ARHGAP29: variants seen among roughly 807,000 people sequenced by gnomAD.
The protein encoded by ARHGAP29 is rho GTPase-activating protein 29.
Under a neutral mutation model 122.6 loss-of-function variants are expected in ARHGAP29, and 43 were observed. That is an observed-to-expected ratio of 0.35 (90% CI 0.27 to 0.45). The LOEUF is 0.45. Ranked by LOEUF, ARHGAP29 falls within the 20% of genes least tolerant of loss-of-function variation. The pLI is 1.00. For synonymous variants in ARHGAP29, 506 were observed against 497.1 expected, an observed-to-expected ratio of 1.02 and a Z score of -0.24; for missense variants, 1,303 against 1,477.2, an observed-to-expected ratio of 0.88 and a Z score of 1.93.
chr1:94,302,475 C>T, the ARHGAP29 span: 13 of 354,132 alleles, frequency 3.7e-5, no homozygotes, highest in Admixed American at 4.4e-4. Context: ...CCTCCTGCAC[C>T]ACCAGCTGCC....
chr1:94,304,062 T>C, the ARHGAP29 span, among the ~76,000 whole-genome samples: 1 of 152,254 alleles, frequency 6.6e-6, no homozygotes, highest in African/African-American at 2.4e-5. Context: ...GGCTCTGCTT[T>C]ACCTTGTTTT....
rs754257819 is a variant in ARHGAP29 at position 94,231,475 on chromosome 1, T to C, written c.137A>G (p.Lys46Arg). The C allele has an allele frequency of 6.1e-5, 98 of 1,613,704 alleles. No homozygotes were observed. The highest frequency in any genetic ancestry group is 7.5e-5 in the Non-Finnish European group (89 of 1,179,764). The change falls in exon 2 of 23, where the codon AAG becomes AGG. Residue 46 changes from lysine to arginine, a missense_variant. Around this residue, in one of 3 missense-constraint regions of ARHGAP29, gnomAD observed 592 missense variants for 648.2 expected, o/e 0.91. Coordinates refer to ENST00000260526, the MANE Select transcript of ARHGAP29 (RefSeq NM_004815.4). ...SNSIFDPDYI[K>R]ELVNDIRKFS... The stretch of plus-strand genomic sequence containing the variant: ...CTTCCTGATATCATTCACCAACTCC[T>C]TGATGTAATCCGGATCAAAAATAGA...
the ARHGAP29 span, chr1:94,302,960 G>A: frequency 3.9e-5 from 7 of 178,414 alleles, no homozygotes; most frequent in East Asian, 1.3e-3. Context: ...TTCCGGGTAT[G>A]ACAATGAATT....
chr1:94,262,095 G>C (rs374763873), intron 1 of ARHGAP29, among the ~76,000 whole-genome samples: 3 of 152,070 alleles, frequency 2.0e-5, no homozygotes, highest in African/African-American at 7.2e-5. Flanking sequence ...GAGAAAAAAG[G>C]CCACACACCT....
chr1:94,208,656 C>T (rs12089307), intron 5 of ARHGAP29, among the ~76,000 whole-genome samples, 176 bp downstream of exon 5: 1 of 151,840 alleles, frequency 6.6e-6, no homozygotes, highest in Non-Finnish European at 1.5e-5. Flanking sequence ...GATGGGGTTT[C>T]ACCATGTTGG....
the ARHGAP29 span, among the ~76,000 whole-genome samples, chr1:94,295,640 A>G: frequency 1.3e-5 from 2 of 152,052 alleles, no homozygotes; most frequent in African/African-American, 4.8e-5. Context: ...GATGCGATGA[A>G]TCCATTGGAG....
chr1:94,292,758 C>T, the ARHGAP29 span, among the ~76,000 whole-genome samples: 2 of 152,178 alleles, frequency 1.3e-5, no homozygotes, highest in East Asian at 1.9e-4. Flanking sequence ...CGCTCCAGAC[C>T]GTGTTTGCCT....
At position 94,209,290 on chromosome 1, in the gene ARHGAP29, GA is replaced by G; in HGVS notation, c.400del (p.Ser134LeufsTer22). 6.2e-7 allele frequency: 1 copy of G among 1,610,472 alleles called. No homozygotes were observed. The highest frequency in any genetic ancestry group is 1.3e-5 in the African/African-American group (1 of 74,872). On this transcript the variant is annotated frameshift_variant, in exon 4 of 23. Transcript: ENST00000260526. LOFTEE classifies it high-confidence loss of function. ...GGTAAATGCCAAAGTTTCAATAGAA[GA>G]AAACACTTCCTGGAAGAGATCGTTT... ...NKNDLFQEVF[S>X]SIETLAFTFG...
rs1207286594 is a variant in ARHGAP29, at chr1:94,208,917, GT to G, written c.438-14del. 6.2e-7 allele frequency: 1 copy of G among 1,608,166 alleles called. No homozygotes were observed. Among genetic ancestry groups the G allele is most frequent in the South Asian group, 1.1e-5 (1 of 90,704 alleles). ...GAAGTTTGTAAGGCTATCCAAGGAGGTTAAAAAAAGAAAGACAAGTCATTAT... is the reference window on the plus strand; with the variant it reads ...GAAGTTTGTAAGGCTATCCAAGGAGGTAAAAAAAGAAAGACAAGTCATTAT... On this transcript the variant is annotated splice_polypyrimidine_tract_variant and intron_variant, in intron 4 of 22. Coordinates refer to ENST00000260526, the MANE Select transcript of ARHGAP29 (RefSeq NM_004815.4).
At chr1:94,272,731 C>G (rs373603181) in intron 1 of ARHGAP29, among the ~76,000 whole-genome samples, 3 of 152,176 alleles carry the variant, frequency 2.0e-5, no homozygotes, top group East Asian at 3.9e-4. Flanking sequence ...TCTCCTTCCA[C>G]GGAGGTCAGA....
intron 1 of ARHGAP29, among the ~76,000 whole-genome samples, chr1:94,233,252 C>T (rs1024414805): frequency 1.3e-5 from 2 of 152,016 alleles, no homozygotes; most frequent in African/African-American, 4.8e-5. Context: ...CATGCCTGGC[C>T]CACTAGGAAG....
At chr1:94,179,668 A>C in intron 20 of ARHGAP29, 57 bp downstream of exon 20, 8 of 1,192,986 alleles carry the variant, frequency 6.7e-6, no homozygotes, top group Non-Finnish European at 9.5e-6. Flanking sequence ...CACAATTAAA[A>C]ACAAAAAACA....
At chr1:94,256,325 A>G (rs1654344878) in intron 1 of ARHGAP29, among the ~76,000 whole-genome samples, 1 of 152,146 alleles carries the variant, frequency 6.6e-6, no homozygotes, top group Admixed American at 6.5e-5. Flanking sequence ...CACAGATTGT[A>G]TCTACCCTAC....
upstream of ARHGAP29, chr1:94,237,787 C>T (rs1430645854): frequency 1.1e-5 from 11 of 984,808 alleles, no homozygotes; most frequent in Non-Finnish European, 1.3e-5. Flanking sequence ...CGGGCTGCGT[C>T]GGCTGCCCTT....
intron 1 of ARHGAP29, among the ~76,000 whole-genome samples, chr1:94,236,558 G>C (rs1302986064): frequency 6.6e-6 from 1 of 152,094 alleles, no homozygotes; most frequent in Non-Finnish European, 1.5e-5. Context: ...CCTGCCCTCC[G>C]AAAACATTTG....
chr1:94,299,018 T>C, the ARHGAP29 span, among the ~76,000 whole-genome samples: 1 of 152,252 alleles, frequency 6.6e-6, no homozygotes. Context: ...CAACAGCTAA[T>C]GAGAAAGGTC....
intron 1 of ARHGAP29, among the ~76,000 whole-genome samples, chr1:94,259,434 T>C (rs1654476711): frequency 6.6e-6 from 1 of 152,208 alleles, no homozygotes; most frequent in Admixed American, 6.5e-5. Context: ...CCCAGAACTT[T>C]AGGATGTAAG....
chr1:94,264,885 C>T (rs988869158), intron 1 of ARHGAP29, among the ~76,000 whole-genome samples: 1 of 152,138 alleles, frequency 6.6e-6, no homozygotes, highest in Non-Finnish European at 1.5e-5. Context: ...TATTGCCACC[C>T]CCTCCTTTGG....
the ARHGAP29 span, among the ~76,000 whole-genome samples, chr1:94,311,252 C>A: frequency 1.3e-5 from 2 of 152,166 alleles, no homozygotes; most frequent in Non-Finnish European, 2.9e-5. Context: ...CATTTCCCAG[C>A]TATTAATGTC....
Sources: gnomAD v4.1 joint callset for allele counts (sites outside exome capture counted in the v4.1 genomes callset) on GRCh38, gnomAD v4.1.1 for gene constraint, gnomAD v4.1.1 regional missense constraint, MANE v1.5 for transcripts, NCBI Gene and HGNC (gene_info 2026-07-23, HGNC 2026-07-21) for gene names.